Variants in DLGAP2 observed in about 807,000 individuals in gnomAD.
DLGAP2 encodes the protein disks large-associated protein 2.
In DLGAP2, 26 loss-of-function variants were observed where a neutral mutation model predicts 100.3. The ratio of observed to expected loss-of-function variants is 0.26; its 90% CI spans 0.19 to 0.36. The LOEUF (loss-of-function observed/expected upper bound fraction) is 0.36. DLGAP2 is among the 10% of genes least tolerant of loss of function. The pLI is 1.00. For missense variants in DLGAP2, 1,858 were observed against 1,453.2 expected, an observed-to-expected ratio of 1.28 and a Z score of -4.53; for synonymous variants, 886 against 630.1, an observed-to-expected ratio of 1.41 and a Z score of -6.08.
In DLGAP2 at chr8:784,974, G is replaced by A. The variant is rs572510709; in HGVS notation, c.18+47149G>A. Among the ~76,000 whole-genome samples the A allele has an allele frequency of 4.4e-3, 676 of 152,174 alleles. 1 individual carries two copies. The highest frequency in any genetic ancestry group is 7.3e-3 in the Non-Finnish European group (493 of 67,986). Reference sequence around the variant, plus strand: ...TGTAATCCCAGCACTTTGGGAGGCCGAGGCAGGCGGATCACAAGGTCAGGA... The same window carrying A: ...TGTAATCCCAGCACTTTGGGAGGCCAAGGCAGGCGGATCACAAGGTCAGGA... On this transcript the variant is annotated intron_variant, in intron 1 of 14. Coordinates refer to ENST00000637795, the MANE Select transcript of DLGAP2 (RefSeq NM_001346810.2).
At chr8:1,192,068 G>C (rs774316104) in intron 2 of DLGAP2, among the ~76,000 whole-genome samples, 5 of 152,198 alleles carry the variant, frequency 3.3e-5, no homozygotes, top group African/African-American at 1.2e-4. Flanking sequence ...AGGGCTCTCT[G>C]AGATGGATTT....
At chr8:953,716 A>C (rs2129008344) in intron 2 of DLGAP2, among the ~76,000 whole-genome samples, 2 of 152,268 alleles carry the variant, frequency 1.3e-5, no homozygotes, top group South Asian at 4.1e-4. Flanking sequence ...TGACGCTGTC[A>C]CAGTGAAATT....
intron 1 of DLGAP2, among the ~76,000 whole-genome samples, chr8:743,904 T>A (rs1252968115): frequency 1.3e-5 from 2 of 152,258 alleles, no homozygotes; most frequent in African/African-American, 4.8e-5. Flanking sequence ...GGCCGGGTCT[T>A]CATGTCTGGA....
At chr8:1,543,542 T>C (rs1801432487) in intron 4 of DLGAP2, among the ~76,000 whole-genome samples, 1 of 152,250 alleles carries the variant, frequency 6.6e-6, no homozygotes, top group Non-Finnish European at 1.5e-5. Flanking sequence ...GGTCCATGTG[T>C]GCATCCTTGT....
chr8:1,182,055 G>C (rs781628760), intron 2 of DLGAP2, among the ~76,000 whole-genome samples: 1 of 152,250 alleles, frequency 6.6e-6, no homozygotes, highest in Non-Finnish European at 1.5e-5. Flanking sequence ...CAGTGCGTAA[G>C]AGCCATGTGC....
At chr8:919,336 G>A (rs1351156966) in intron 2 of DLGAP2, among the ~76,000 whole-genome samples, 7 of 152,156 alleles carry the variant, frequency 4.6e-5, no homozygotes, top group African/African-American at 9.7e-5. Flanking sequence ...ATCAGGCCGC[G>A]ACGGGCAGGA....
chr8:1,694,224 G>A (rs2130880783), intron 13 of DLGAP2, among the ~76,000 whole-genome samples: 1 of 152,324 alleles, frequency 6.6e-6, no homozygotes, highest in Middle Eastern at 3.4e-3. Context: ...CGGAAGAGTG[G>A]TACAGGGAGG....
chr8:1,454,501 AC>A (rs1379971963), intron 3 of DLGAP2, among the ~76,000 whole-genome samples: 1 of 152,066 alleles, frequency 6.6e-6, no homozygotes, highest in Non-Finnish European at 1.5e-5. Context: ...CCAGAAACCC[AC>A]CCCTGGAGGA....
rs35454291 is a variant in DLGAP2 at position 764,564 on chromosome 8, T to C, written c.18+26739T>C. On this transcript the variant is annotated intron_variant, in intron 1 of 14. Transcript: ENST00000637795. Reference sequence around the variant, plus strand: ...CTGTGGCTGATTTTGTGGTCTAGCCTTGTCACCCGAGTCCAAGCTCTTCTC... The same window carrying C: ...CTGTGGCTGATTTTGTGGTCTAGCCCTGTCACCCGAGTCCAAGCTCTTCTC... Among the ~76,000 whole-genome samples, 1,179 of 152,354 alleles carry C rather than the reference T, an allele frequency of 7.7e-3. 4 individuals carry two copies. The highest frequency in any genetic ancestry group is 0.017 in the South Asian group (84 of 4,830).
At chr8:743,345 T>G (rs1435902836) in intron 1 of DLGAP2, among the ~76,000 whole-genome samples, 3 of 152,190 alleles carry the variant, frequency 2.0e-5, no homozygotes, top group African/African-American at 7.2e-5. Flanking sequence ...CGTTGCATAC[T>G]CATTTTTTGG....
intron 2 of DLGAP2, among the ~76,000 whole-genome samples, chr8:1,126,651 G>A (rs1422467469): frequency 2.6e-5 from 4 of 152,178 alleles, no homozygotes; most frequent in Admixed American, 6.5e-5. Context: ...TTAGACTCCC[G>A]CTGTGGGCGG....
At chr8:1,468,353 C>G (rs1026137556) in intron 3 of DLGAP2, among the ~76,000 whole-genome samples, 1 of 151,862 alleles carries the variant, frequency 6.6e-6, no homozygotes, top group Non-Finnish European at 1.5e-5. Flanking sequence ...TGGGCTGGTC[C>G]TGAGTCCCCA....
intron 2 of DLGAP2, among the ~76,000 whole-genome samples, chr8:962,224 G>A (rs909820296): frequency 2.0e-5 from 3 of 152,180 alleles, no homozygotes; most frequent in Non-Finnish European, 2.9e-5. Flanking sequence ...AGATACCAGT[G>A]AAAGGGTCTC....
chr8:861,297 C>T (rs1797385610), intron 1 of DLGAP2, among the ~76,000 whole-genome samples: 1 of 152,174 alleles, frequency 6.6e-6, no homozygotes, highest in Non-Finnish European at 1.5e-5. Context: ...TAGGTACAGA[C>T]ACTGCCCCTT....
chr8:790,602 T>A (rs776732128), intron 1 of DLGAP2, among the ~76,000 whole-genome samples: 2 of 152,188 alleles, frequency 1.3e-5, no homozygotes, highest in African/African-American at 2.4e-5. Flanking sequence ...GAATGGACTT[T>A]GTATTTCAGT....
intron 2 of DLGAP2, among the ~76,000 whole-genome samples, chr8:1,227,883 A>G (rs1331737469): frequency 1.3e-5 from 2 of 152,242 alleles, no homozygotes; most frequent in Admixed American, 1.3e-4. Flanking sequence ...ATTTATTGCT[A>G]AATTAGTACG....
At chr8:1,419,850 A>G (rs10111978) in intron 3 of DLGAP2, among the ~76,000 whole-genome samples, 82,337 of 151,920 alleles carry the variant, frequency 0.54, 23,039 homozygotes, top group East Asian at 0.9. Flanking sequence ...CCCACTACTG[A>G]GTGTACAGCC....
At chr8:1,524,233 A>G (rs911292364) in intron 4 of DLGAP2, among the ~76,000 whole-genome samples, 1 of 152,118 alleles carries the variant, frequency 6.6e-6, no homozygotes, top group African/African-American at 2.4e-5. Context: ...AGAGGCCGGC[A>G]GGGAGGAAGG....
intron 2 of DLGAP2, among the ~76,000 whole-genome samples, chr8:1,231,623 G>T (rs986636064): frequency 1.3e-5 from 2 of 152,182 alleles, no homozygotes; most frequent in African/African-American, 4.8e-5. Context: ...GAAAATGGCT[G>T]TGTACACCGT....
Sources: gnomAD v4.1 joint callset for allele counts (sites outside exome capture counted in the v4.1 genomes callset) on GRCh38, gnomAD v4.1.1 for gene constraint, MANE v1.5 for transcripts, NCBI Gene and HGNC (gene_info 2026-07-23, HGNC 2026-07-21) for gene names.